IGSF11: variants seen among roughly 807,000 people sequenced by gnomAD.
IGSF11 encodes immunoglobulin superfamily member 11, also known as CXADR like 1.
Under a neutral mutation model 41.0 loss-of-function variants are expected in IGSF11, and 22 were observed. That is an observed-to-expected ratio of 0.54 (90% CI 0.38 to 0.77). The LOEUF is 0.77. IGSF11 is among the 30% of genes least tolerant of loss of function. The pLI, the probability that IGSF11 is intolerant of heterozygous loss-of-function variation, is 0.00. For synonymous variants in IGSF11, 219 were observed against 201.3 expected (o/e 1.09, Z -0.74); for missense variants, 444 against 530.8 (o/e 0.84, Z 1.61).
intron 2 of IGSF11, among the ~76,000 whole-genome samples, chr3:118,928,917 GAATAATATTTTTTCCTTACCT>G (rs1242109543): frequency 1.3e-5 from 2 of 151,892 alleles, no homozygotes; most frequent in African/African-American, 4.8e-5. Flanking sequence ...TAACAAATTA[GAATAATATTTTTTCCTTACCT>G]AACACATCAG....
chr3:118,951,791 T>C (rs1272810829), intron 1 of IGSF11, among the ~76,000 whole-genome samples: 1 of 152,194 alleles, frequency 6.6e-6, no homozygotes, highest in East Asian at 1.9e-4. Context: ...ATCTCTAGAT[T>C]ACATACAATA....
chr3:119,012,502 T>A (rs1938243496), intron 1 of IGSF11, among the ~76,000 whole-genome samples: 1 of 152,166 alleles, frequency 6.6e-6, no homozygotes, highest in Non-Finnish European at 1.5e-5. Context: ...CAATCTAGAT[T>A]TCTAAGATCT....
At chr3:119,061,684 A>G (rs1391726807) in intron 1 of IGSF11, among the ~76,000 whole-genome samples, 1 of 152,158 alleles carries the variant, frequency 6.6e-6, no homozygotes, top group African/African-American at 2.4e-5. Flanking sequence ...CCTTTCACTC[A>G]GGATATACTT....
chr3:118,964,020 G>C (rs561110277), intron 1 of IGSF11, among the ~76,000 whole-genome samples: 12 of 152,070 alleles, frequency 7.9e-5, no homozygotes, highest in Admixed American at 2.0e-4. Context: ...AGATCCTTGA[G>C]AGACCATTTA....
At chr3:119,135,221 TTAAAC>T (rs1392120128) in intron 1 of IGSF11, among the ~76,000 whole-genome samples, 1 of 152,124 alleles carries the variant, frequency 6.6e-6, no homozygotes, top group African/African-American at 2.4e-5. Context: ...TGGGATCTAA[TTAAAC>T]TAAAGAGCTT....
At chr3:119,096,938 T>G (rs1242722365) in intron 1 of IGSF11, among the ~76,000 whole-genome samples, 3 of 152,166 alleles carry the variant, frequency 2.0e-5, no homozygotes, top group African/African-American at 7.2e-5. Context: ...TAAGAAAAAA[T>G]TTTGTTATAA....
At chr3:118,984,647 G>A (rs1040006854) in intron 1 of IGSF11, among the ~76,000 whole-genome samples, 1 of 152,000 alleles carries the variant, frequency 6.6e-6, no homozygotes, top group African/African-American at 2.4e-5. Context: ...GGAAGAGACA[G>A]GTTACCATAA....
chr3:119,045,337 G>A (rs251455), intron 1 of IGSF11, among the ~76,000 whole-genome samples: 31,434 of 152,232 alleles, frequency 0.21, 3,554 homozygotes, highest in Middle Eastern at 0.25. Context: ...CTTGGGAAGC[G>A]CAAGGGGTCA....
chr3:118,927,749 G>C (rs1942456837), intron 3 of IGSF11, among the ~76,000 whole-genome samples: 1 of 152,164 alleles, frequency 6.6e-6, no homozygotes, highest in South Asian at 2.1e-4. Flanking sequence ...CAGATGAACT[G>C]AGTTTAGCCA....
intron 1 of IGSF11, among the ~76,000 whole-genome samples, chr3:119,030,235 A>C (rs989932642): frequency 1.3e-5 from 2 of 152,238 alleles, no homozygotes; most frequent in African/African-American, 4.8e-5. Flanking sequence ...TGTCCACAAC[A>C]GTAAATTTGT....
At chr3:119,034,876 ACTC>A, upstream of IGSF11, 1 of 1,155,592 alleles carries the variant, frequency 8.7e-7, no homozygotes, top group East Asian at 3.6e-5. Flanking sequence ...CCGGGGAGCC[ACTC>A]CCCCCAACTC....
At chr3:119,103,734 A>C (rs2076975581) in intron 1 of IGSF11, among the ~76,000 whole-genome samples, 1 of 152,152 alleles carries the variant, frequency 6.6e-6, no homozygotes, top group Admixed American at 6.5e-5. Context: ...ATGGCCTATT[A>C]GTGTGATTTT....
Position 119,012,046 on chromosome 3 carries a change from CGT to C in IGSF11, c.52+22483_52+22484del, listed in dbSNP as rs1276201513. On this transcript the variant is annotated intron_variant, in intron 1 of 6. Coordinates refer to ENST00000393775, the MANE Select transcript of IGSF11 (RefSeq NM_001015887.3). ...CACACACACAGAGAGAGAGAGAGAG[CGT>C]GAGTGCGAGAGCACTAGAAAGAATT... 3.2e-4 allele frequency among the ~76,000 whole-genome samples: 49 copies of C among 151,434 alleles called. 1 individual carries two copies. The highest frequency in any genetic ancestry group is 1.1e-3 in the African/African-American group (45 of 41,236).
At chr3:118,937,295 A>G (rs1943357999) in intron 1 of IGSF11, among the ~76,000 whole-genome samples, 1 of 152,236 alleles carries the variant, frequency 6.6e-6, no homozygotes, top group African/African-American at 2.4e-5. Flanking sequence ...ATTAAGTTTT[A>G]TAGTTTATCA....
intron 1 of IGSF11, among the ~76,000 whole-genome samples, chr3:118,975,203 A>C (rs1411814507): frequency 6.6e-6 from 1 of 152,200 alleles, no homozygotes; most frequent in South Asian, 2.1e-4. Context: ...CAAAAAAATT[A>C]AAATAAAATC....
intron 1 of IGSF11, among the ~76,000 whole-genome samples, chr3:119,103,007 T>C (rs2076962121): frequency 6.6e-6 from 1 of 150,824 alleles, no homozygotes; most frequent in Non-Finnish European, 1.5e-5. Flanking sequence ...ATTTTTTTTT[T>C]TTTTTTTTGA....
intron 1 of IGSF11, among the ~76,000 whole-genome samples, chr3:118,966,912 G>A (rs954357933): frequency 5.3e-5 from 8 of 152,072 alleles, no homozygotes; most frequent in African/African-American, 1.9e-4. Flanking sequence ...TGCCTGCACA[G>A]GAGGTGGTAA....
chr3:119,116,679 A>G (rs183558935), intron 1 of IGSF11, among the ~76,000 whole-genome samples: 50 of 152,340 alleles, frequency 3.3e-4, no homozygotes, highest in Non-Finnish European at 5.6e-4. Context: ...AAGGGAGGAG[A>G]GGAGCCTGAG....
At chr3:118,952,505 C>A (rs961541940) in intron 1 of IGSF11, among the ~76,000 whole-genome samples, 1 of 152,214 alleles carries the variant, frequency 6.6e-6, no homozygotes, top group Admixed American at 6.5e-5. Context: ...GGAGTAGATT[C>A]CATCTCAAGA....
Sources: gnomAD v4.1 joint callset for allele counts (sites outside exome capture counted in the v4.1 genomes callset) on GRCh38, gnomAD v4.1.1 for gene constraint, MANE v1.5 for transcripts, NCBI Gene and HGNC (gene_info 2026-07-23, HGNC 2026-07-21) for gene names.